The following TVP23C variants were observed in gnomAD, a reference collection of about 807,000 sequenced individuals.
TVP23C encodes the protein Golgi apparatus membrane protein TVP23 homolog C.
Under a neutral mutation model 28.7 loss-of-function variants are expected in TVP23C, and 19 were observed. That is an observed-to-expected ratio of 0.66 (90% CI 0.46 to 0.97). The LOEUF (loss-of-function observed/expected upper bound fraction) is 0.97, where lower values mean the gene tolerates loss of function less well. TVP23C is among the 50% of genes least tolerant of loss of function. The pLI is 0.00. For missense variants in TVP23C, 186 were observed against 241.3 expected (o/e 0.77, Z 1.52); for synonymous variants, 68 against 81.7 (o/e 0.83, Z 0.90).
chr17:15,503,238 AAAAAT>A (rs1981567780), intron 5 of TVP23C: 1 of 1,483,852 alleles, frequency 6.7e-7, no homozygotes, highest in South Asian at 1.3e-5. Flanking sequence ...CGTCTCTACA[AAAAAT>A]AAAATAAAAA....
intron 1 of TVP23C, 82 bp from the exon 2 acceptor site, chr17:15,555,446 T>A: frequency 1.3e-6 from 2 of 1,555,550 alleles, no homozygotes; most frequent in Non-Finnish European, 1.8e-6. Flanking sequence ...TGCATACTCA[T>A]CAAAATAGAA....
chr17:15,563,364 G>C, intron 1 of TVP23C, 73 bp downstream of exon 1: 1 of 1,539,362 alleles, frequency 6.5e-7, no homozygotes, highest in South Asian at 1.2e-5. Flanking sequence ...GGGGACGCGG[G>C]CTCCAGTCCC....
intron 5 of TVP23C, among the ~76,000 whole-genome samples, chr17:15,513,141 T>C (rs996679744): frequency 9.9e-5 from 15 of 152,070 alleles, no homozygotes; most frequent in Admixed American, 2.6e-4. Context: ...TGGGGGAGTA[T>C]TGGGGGCTCC....
chr17:15,503,526 T>C (rs951071619), intron 5 of TVP23C: 10 of 239,236 alleles, frequency 4.2e-5, no homozygotes, highest in Non-Finnish European at 4.7e-5. Context: ...AGTCTCGTTT[T>C]GTTGCCTTAT....
intron 5 of TVP23C, among the ~76,000 whole-genome samples, chr17:15,542,792 T>C (rs917599868): frequency 9.9e-5 from 15 of 152,146 alleles, no homozygotes; most frequent in Admixed American, 9.8e-4. Flanking sequence ...CCATTTATGC[T>C]GTAGGCTGCA....
chr17:15,519,243 C>T (rs962514435), intron 5 of TVP23C, among the ~76,000 whole-genome samples: 1 of 152,162 alleles, frequency 6.6e-6, no homozygotes, highest in Non-Finnish European at 1.5e-5. Context: ...CATACTAGAA[C>T]ATGAAAACAT....
chr17:15,502,826 C>G (rs1488767718), exon 6 of TVP23C: 1 of 1,536,962 alleles, frequency 6.5e-7, no homozygotes, highest in Admixed American at 2.0e-5. Flanking sequence ...CTCTCTCTCT[C>G]TCTCTCCTGC....
exon 6 of TVP23C, chr17:15,502,990 C>G (rs1477820983): frequency 6.2e-7 from 1 of 1,614,006 alleles, no homozygotes. Context: ...CGGGCGCCAT[C>G]TGTTGGCAGT....
intron 3 of TVP23C, 138 bp downstream of exon 3, chr17:15,553,547 C>T: frequency 3.3e-6 from 3 of 909,694 alleles, no homozygotes; most frequent in South Asian, 2.9e-5. Flanking sequence ...AAACTACATG[C>T]AATTTGATAT....
At chr17:15,545,992 A>C (rs1457410027) in intron 4 of TVP23C, 76 bp from the exon 5 acceptor site, 2 of 1,551,876 alleles carry the variant, frequency 1.3e-6, no homozygotes, top group South Asian at 1.2e-5. Flanking sequence ...AATAAAAAAC[A>C]TATTACCCAC....
At position 15,563,465 on chromosome 17, in the gene TVP23C, C is replaced by T; in HGVS notation, c.-17G>A. On this transcript the variant is annotated 5_prime_UTR_variant, in exon 1 of 6. Coordinates refer to ENST00000518321, the MANE Select transcript of TVP23C (RefSeq NM_001135036.2). ...CTGCAACATGGCGGCCCTACGCCAG[C>T]CCTGCTTCCAGGAGCCACGTCAGCG... 3 of 1,583,152 alleles carry T rather than the reference C, an allele frequency of 1.9e-6. No homozygotes were observed. The highest frequency in any genetic ancestry group is 2.6e-6 in the Non-Finnish European group (3 of 1,166,344).
exon 6 of TVP23C, chr17:15,502,706 T>G: frequency 8.3e-7 from 1 of 1,199,962 alleles, no homozygotes; most frequent in Non-Finnish European, 1.1e-6. Context: ...GTTCGTTCGT[T>G]CTTTCTCTCT....
intron 1 of TVP23C, among the ~76,000 whole-genome samples, chr17:15,557,532 C>T (rs1400123418): frequency 6.7e-6 from 1 of 148,782 alleles, no homozygotes; most frequent in Non-Finnish European, 1.5e-5. Context: ...CTCCTGACCT[C>T]CAGGGATCCG....
intron 4 of TVP23C, among the ~76,000 whole-genome samples, chr17:15,546,120 G>A (rs184268410): frequency 6.6e-6 from 1 of 152,208 alleles, no homozygotes; most frequent in African/African-American, 2.4e-5. Flanking sequence ...TGCATTTTCA[G>A]GGCAGGATGG....
chr17:15,516,032 C>T (rs1982212033), intron 5 of TVP23C, among the ~76,000 whole-genome samples: 1 of 152,166 alleles, frequency 6.6e-6, no homozygotes, highest in African/African-American at 2.4e-5. Context: ...ACGCGTGCTC[C>T]CCCTTTGCCT....
chr17:15,534,028 A>G (rs1983051266), downstream of TVP23C, among the ~76,000 whole-genome samples: 1 of 152,212 alleles, frequency 6.6e-6, no homozygotes, highest in African/African-American at 2.4e-5. Flanking sequence ...GCCTTGTCAG[A>G]TGTTGTTGTT....
rs555374719 is a variant in TVP23C at position 15,558,676 on chromosome 17, C to T, written c.13-3312G>A. Among the ~76,000 whole-genome samples the T allele has an allele frequency of 3.4e-5, 5 of 148,066 alleles. No individual in the cohort carries two copies. The East Asian group carries it at 1.0e-3, about 30-fold the overall frequency. ...ATGGCATTAAGATGGGGAAGGGATC[C>T]CAGGTGTTTAGAAGCTGAATCAGGC... On this transcript the variant is annotated intron_variant, in intron 1 of 5. Coordinates refer to ENST00000518321, the MANE Select transcript of TVP23C (RefSeq NM_001135036.2).
At chr17:15,504,953 T>C (rs1171189109) in intron 5 of TVP23C, among the ~76,000 whole-genome samples, 2 of 152,178 alleles carry the variant, frequency 1.3e-5, no homozygotes, top group East Asian at 3.9e-4. Flanking sequence ...CCATTGATCT[T>C]CTTCTGGAAG....
In TVP23C at chr17:15,539,200, T is replaced by A; in HGVS notation, c.*1212A>T. 1.0e-6 allele frequency: 1 copy of A among 968,518 alleles called. No homozygotes were observed. The highest frequency in any genetic ancestry group is 4.8e-5 in the South Asian group (1 of 21,002). The allele number at this position is 968,518 out of a possible 1,614,324, so 60.0% of individuals were successfully genotyped here. ...GGAGTCTGGAGGTGGAACCCAGCAA[T>A]CTTGTGCCCTCTAGGTGATTCTCAT... On this transcript the variant is annotated 3_prime_UTR_variant, in exon 6 of 6. Transcript: ENST00000518321.
Sources: allele counts gnomAD v4.1 joint callset (sites outside exome capture counted in the v4.1 genomes callset), GRCh38; gene constraint gnomAD v4.1.1; transcripts MANE v1.5; gene names NCBI Gene and HGNC (gene_info 2026-07-23, HGNC 2026-07-21).